Variants in ARHGEF33 observed in about 807,000 individuals in gnomAD.
The protein encoded by ARHGEF33 is DH and coiled-coil domain-containing protein ENSP00000381780.
A neutral mutation model predicts 101.9 loss-of-function variants in ARHGEF33; 72 were observed. That is an observed-to-expected ratio of 0.71 (90% confidence interval 0.58 to 0.86). The LOEUF (loss-of-function observed/expected upper bound fraction) is 0.86, where lower values mean the gene tolerates loss of function less well. Ranked by LOEUF, ARHGEF33 falls within the 40% of genes least tolerant of loss-of-function variation. The pLI is 0.00. For synonymous variants in ARHGEF33, 499 were observed against 442.5 expected (o/e 1.13, Z -1.60); for missense variants, 1,169 against 1,111.3 (o/e 1.05, Z -0.74).
At chr2:38,895,243 A>C (rs912545258) in intron 1 of ARHGEF33, among the ~76,000 whole-genome samples, 1 of 152,240 alleles carries the variant, frequency 6.6e-6, no homozygotes, top group African/African-American at 2.4e-5. Context: ...TGCAGCAAAA[A>C]TTATATAAAT....
chr2:38,950,577 A>G (rs1003982883), intron 10 of ARHGEF33, among the ~76,000 whole-genome samples: 2 of 152,014 alleles, frequency 1.3e-5, no homozygotes, highest in East Asian at 3.9e-4. Context: ...TTAGCCTCCC[A>G]AGTAGCTGGA....
intron 1 of ARHGEF33, among the ~76,000 whole-genome samples, chr2:38,895,446 T>C (rs1390149212): frequency 6.6e-6 from 1 of 152,208 alleles, no homozygotes; most frequent in Non-Finnish European, 1.5e-5. Flanking sequence ...TTTGAACTCT[T>C]CTGATTCAGC....
rs747776456 is a variant in ARHGEF33, at chr2:38,950,970, G to A, written c.921-19G>A. The A allele has an allele frequency of 2.2e-5, 34 of 1,550,084 alleles. No individual in the cohort carries two copies. Among genetic ancestry groups the A allele is most frequent in the East Asian group, 7.3e-5 (3 of 40,904 alleles). ...CTCTACACCTTGTTTGTGTGATTCC[G>A]TCTCTATTCTGTTTCAAGCCTCTTC... On this transcript the variant is annotated intron_variant, in intron 10 of 17. Coordinates refer to ENST00000409978, the MANE Select transcript of ARHGEF33 (RefSeq NM_001145451.5).
intron 2 of ARHGEF33, among the ~76,000 whole-genome samples, chr2:38,900,875 T>C (rs767399240): frequency 4.6e-5 from 7 of 152,194 alleles, no homozygotes; most frequent in Admixed American, 2.0e-4. Context: ...GATCTCTTCC[T>C]GGAGGAAGGG....
chr2:38,920,138 C>T (rs1332677026), intron 3 of ARHGEF33, among the ~76,000 whole-genome samples: 1 of 152,136 alleles, frequency 6.6e-6, no homozygotes, highest in Non-Finnish European at 1.5e-5. Context: ...GGAGGGGTTT[C>T]CTGTACCAGC....
intron 17 of ARHGEF33, among the ~76,000 whole-genome samples, chr2:38,967,295 T>G (rs1668069996): frequency 6.6e-6 from 1 of 152,186 alleles, no homozygotes; most frequent in Non-Finnish European, 1.5e-5. Flanking sequence ...CTCTCCCTGT[T>G]GTTACTGGAG....
At chr2:38,933,554 T>G (rs936618984) in intron 7 of ARHGEF33, among the ~76,000 whole-genome samples, 6 of 152,182 alleles carry the variant, frequency 3.9e-5, no homozygotes, top group Non-Finnish European at 7.3e-5. Context: ...TTGCTAATTT[T>G]TGTATTTTTA....
At chr2:38,948,287 T>A (rs535551170) in intron 10 of ARHGEF33, among the ~76,000 whole-genome samples, 4 of 152,378 alleles carry the variant, frequency 2.6e-5, no homozygotes, top group Admixed American at 2.0e-4. Context: ...TAAATTTTTT[T>A]AAAAGGTTTA....
Position 38,935,755 on chromosome 2 carries a change from A to G in ARHGEF33, c.506-20A>G. 6.4e-7 allele frequency: 1 copy of G among 1,550,648 alleles called. No homozygotes were observed. The highest frequency in any genetic ancestry group is 1.4e-5 in the African/African-American group (1 of 73,110). On this transcript the variant is annotated intron_variant, in intron 7 of 17. Coordinates refer to ENST00000409978, the MANE Select transcript of ARHGEF33 (RefSeq NM_001145451.5). ...TGTTAGTGGAATGAACGCTGAATGA[A>G]TGCTTTCCTTTCTCTGCAGCCCAAG... is the stretch of plus-strand genomic sequence containing the variant.
chr2:38,899,084 G>C (rs534751487), intron 2 of ARHGEF33, among the ~76,000 whole-genome samples: 1 of 151,608 alleles, frequency 6.6e-6, no homozygotes, highest in Non-Finnish European at 1.5e-5. Flanking sequence ...AACTTCTGTG[G>C]TTTTTTTTAG....
At chr2:38,927,352 A>G (rs755541668) in intron 4 of ARHGEF33, among the ~76,000 whole-genome samples, 5 of 152,214 alleles carry the variant, frequency 3.3e-5, no homozygotes, top group African/African-American at 4.8e-5. Context: ...ATACACATTC[A>G]AAGAAACTTT....
intron 17 of ARHGEF33, among the ~76,000 whole-genome samples, chr2:38,968,415 C>A (rs1294292768): frequency 1.3e-5 from 2 of 152,166 alleles, no homozygotes; most frequent in Non-Finnish European, 2.9e-5. Flanking sequence ...CTTTATATCA[C>A]CTGAAACAAG....
intron 3 of ARHGEF33, among the ~76,000 whole-genome samples, chr2:38,920,217 CTGTT>C (rs1315552583): frequency 6.6e-6 from 1 of 152,086 alleles, no homozygotes; most frequent in African/African-American, 2.4e-5. Flanking sequence ...CCTCTATAAA[CTGTT>C]TGATGCATAC....
intron 2 of ARHGEF33, among the ~76,000 whole-genome samples, chr2:38,898,313 G>T (rs1666165557): frequency 6.6e-6 from 1 of 152,184 alleles, no homozygotes; most frequent in Non-Finnish European, 1.5e-5. Flanking sequence ...GAAAAAACGG[G>T]TGCGTGTCAA....
At chr2:38,969,132 T>A (rs1558447768) in intron 17 of ARHGEF33, among the ~76,000 whole-genome samples, 1 of 152,154 alleles carries the variant, frequency 6.6e-6, no homozygotes, top group South Asian at 2.1e-4. Flanking sequence ...CACTCTGAAG[T>A]CAGGCCTGTG....
intron 2 of ARHGEF33, among the ~76,000 whole-genome samples, chr2:38,911,496 G>T (rs554825209): frequency 6.6e-6 from 1 of 152,290 alleles, no homozygotes; most frequent in Admixed American, 6.5e-5. Context: ...TCTTATGTGT[G>T]TATATGGGGA....
chr2:38,904,300 T>C (rs1356116555), intron 2 of ARHGEF33, among the ~76,000 whole-genome samples: 1 of 152,084 alleles, frequency 6.6e-6, no homozygotes, highest in Admixed American at 6.6e-5. Flanking sequence ...GAAATGCAAG[T>C]GGCAGAGAAG....
At chr2:38,935,125 T>C (rs550063837) in intron 7 of ARHGEF33, among the ~76,000 whole-genome samples, 1 of 151,970 alleles carries the variant, frequency 6.6e-6, no homozygotes, top group African/African-American at 2.4e-5. Context: ...ATAAGGGCTT[T>C]GGCTTTTACA....
At chr2:38,966,225 T>A in intron 17 of ARHGEF33, 80 bp downstream of exon 17, 1 of 1,481,400 alleles carries the variant, frequency 6.8e-7, no homozygotes, top group South Asian at 1.4e-5. Flanking sequence ...ATAATAAGTA[T>A]CAAGTAGCCT....
Sources: gnomAD v4.1 joint callset for allele counts (sites outside exome capture counted in the v4.1 genomes callset) on GRCh38, gnomAD v4.1.1 for gene constraint, MANE v1.5 for transcripts, NCBI Gene and HGNC (gene_info 2026-07-23, HGNC 2026-07-21) for gene names.